The following AK3 variants were observed in gnomAD, a reference collection of about 807,000 sequenced individuals.
The protein encoded by AK3 is GTP:AMP phosphotransferase AK3, mitochondrial.
AK3 carries 27 observed loss-of-function variants against 23.7 expected under a neutral mutation model. That is an observed-to-expected ratio of 1.14 (90% CI 0.84 to 1.57). AK3 has a LOEUF of 1.57. AK3 is among the 40% of genes most tolerant of loss of function. The pLI is 0.00. For synonymous variants in AK3, 159 were observed against 116.0 expected (o/e 1.37, Z -2.38); for missense variants, 406 against 285.6 (o/e 1.42, Z -3.04).
At chr9:4,733,345 T>G (rs1406496539) in intron 1 of AK3, among the ~76,000 whole-genome samples, 1 of 150,862 alleles carries the variant, frequency 6.6e-6, no homozygotes, top group African/African-American at 2.4e-5. Context: ...AAAAAAAACC[T>G]TTCTCAAATA....
intron 1 of AK3, among the ~76,000 whole-genome samples, chr9:4,735,454 C>CATATATAAATATATAT (rs1563798615): frequency 5.1e-5 from 2 of 39,156 alleles, no homozygotes; most frequent in African/African-American, 8.6e-5. Flanking sequence ...TAAATATATA[C>CATATATAAATATATAT]ATAGTATATG....
In AK3 at chr9:4,710,014, G is replaced by C. The variant is rs1402783604; in HGVS notation, c.*2962C>G. The C allele has an allele frequency of 1.3e-5, 2 of 152,098 alleles. No homozygotes were observed. Among genetic ancestry groups the C allele is most frequent in the Admixed American group, 1.3e-4 (2 of 15,276 alleles). The allele number at this position is 152,098 out of a possible 1,614,324, so 9.4% of individuals were successfully genotyped here. On this transcript the variant is annotated 3_prime_UTR_variant, in exon 5 of 5. Transcript: ENST00000381809. ...TCTTGCTAGAATGCCATTATATATAGCTGGGGGAAAAGTAGCCATAGGGTG... is the reference window on the plus strand; with the variant it reads ...TCTTGCTAGAATGCCATTATATATACCTGGGGGAAAAGTAGCCATAGGGTG...
rs767519584 is a variant in AK3, at chr9:4,740,918, CT to C, written c.151+18del. 4 of 1,536,046 alleles carry C rather than the reference CT, an allele frequency of 2.6e-6. No homozygotes were observed. Among genetic ancestry groups the C allele is most frequent in the Non-Finnish European group, 8.8e-7 (1 of 1,141,310 alleles). On this transcript the variant is annotated intron_variant, in intron 1 of 4. Coordinates refer to ENST00000381809, the MANE Select transcript of AK3 (RefSeq NM_016282.4). The stretch of plus-strand genomic sequence containing the variant: ...CCCGGGTGACAGCGCACGGCCGGCC[CT>C]GGGCCCAGAGCTCCCACCTGTGCCC...
chr9:4,717,549 G>A (rs1841769760), intron 4 of AK3, among the ~76,000 whole-genome samples: 1 of 152,140 alleles, frequency 6.6e-6, no homozygotes. Context: ...TTCCAGCCCT[G>A]CCTCCCCTAC....
chr9:4,729,138 G>A (rs890876247), intron 1 of AK3, among the ~76,000 whole-genome samples: 1 of 151,298 alleles, frequency 6.6e-6, no homozygotes, highest in South Asian at 2.1e-4. Context: ...CACCTCCTGA[G>A]TAGCTGGGAT....
At chr9:4,725,268 C>T (rs899143337) in intron 1 of AK3, among the ~76,000 whole-genome samples, 31 of 151,784 alleles carry the variant, frequency 2.0e-4, no homozygotes, top group African/African-American at 7.0e-4. Flanking sequence ...CTGCCCGCCT[C>T]GGCCTCCCAA....
chr9:4,733,434 C>G (rs1842200218), intron 1 of AK3, among the ~76,000 whole-genome samples: 1 of 152,176 alleles, frequency 6.6e-6, no homozygotes, highest in African/African-American at 2.4e-5. Context: ...GGGAGGGCCC[C>G]CAAAGTCCTT....
chr9:4,717,296 G>C (rs1841762529), intron 4 of AK3, among the ~76,000 whole-genome samples: 1 of 152,174 alleles, frequency 6.6e-6, no homozygotes, highest in Non-Finnish European at 1.5e-5. Flanking sequence ...TAAGAAGCAG[G>C]AAGGCTCAGT....
chr9:4,719,831 T>C (rs382034), intron 2 of AK3, among the ~76,000 whole-genome samples: 36,522 of 152,056 alleles, frequency 0.24, 5,258 homozygotes, highest in African/African-American at 0.41. Context: ...TTTGGGAGGC[T>C]GAGGAGGGCG....
At chr9:4,724,078 C>T (rs933836403) in intron 1 of AK3, among the ~76,000 whole-genome samples, 4 of 152,142 alleles carry the variant, frequency 2.6e-5, no homozygotes, top group East Asian at 1.9e-4. Context: ...TGCATGGACA[C>T]GGGCTGTCAT....
chr9:4,718,983 T>C lies in AK3; in HGVS notation c.444+152A>G, dbSNP rs73641818. The C allele has an allele frequency of 1.4e-3, 1,212 of 840,188 alleles. 7 individuals carry two copies. The African/African-American group carries it at 0.018, about 13-fold the overall frequency. The allele number at this position is 840,188 out of a possible 1,614,324, so 52.0% of individuals were successfully genotyped here. On this transcript the variant is annotated intron_variant, in intron 3 of 4. Transcript: ENST00000381809. ...GGGCAACCTTTCGCACCAAGCTCAG[T>C]GGACTTGATCAGTCAACTCTACCAA...
chr9:4,741,878 C>CCTT, upstream of AK3: 1 of 152,796 alleles, frequency 6.5e-6, no homozygotes, highest in East Asian at 1.9e-4. Context: ...GCCCTTCCCT[C>CCTT]CTTCCTCCTC....
chr9:4,729,143 T>A (rs1842096001), intron 1 of AK3, among the ~76,000 whole-genome samples: 2 of 151,574 alleles, frequency 1.3e-5, no homozygotes, highest in African/African-American at 4.9e-5. Context: ...CCTGAGTAGC[T>A]GGGATTACAG....
intron 3 of AK3, 56 bp downstream of exon 3, chr9:4,719,079 G>A (rs1841818436): frequency 8.2e-6 from 13 of 1,591,362 alleles, no homozygotes; most frequent in African/African-American, 1.3e-5. Context: ...ATGTCTGTTA[G>A]GGCAAGAGGA....
intron 1 of AK3, among the ~76,000 whole-genome samples, chr9:4,729,927 T>C (rs1466870778): frequency 6.6e-6 from 1 of 151,582 alleles, no homozygotes; most frequent in African/African-American, 2.4e-5. Context: ...TAGAAACAAG[T>C]CAAATGTCCA....
chr9:4,715,689 C>T (rs1841707949), intron 4 of AK3, among the ~76,000 whole-genome samples: 1 of 152,080 alleles, frequency 6.6e-6, no homozygotes, highest in African/African-American at 2.4e-5. Context: ...GAGCCACTGT[C>T]CCAGGCCCCT....
chr9:4,722,003 CCT>C (rs1841910495), intron 2 of AK3, among the ~76,000 whole-genome samples: 1 of 152,110 alleles, frequency 6.6e-6, no homozygotes, highest in Non-Finnish European at 1.5e-5. Flanking sequence ...GATTAGCTAT[CCT>C]CTTCCAAAAA....
chr9:4,729,170 C>A (rs999270079), intron 1 of AK3, among the ~76,000 whole-genome samples: 3 of 151,758 alleles, frequency 2.0e-5, no homozygotes, highest in Non-Finnish European at 4.4e-5. Context: ...GCCACCACAG[C>A]CAGCTAATTC....
At chr9:4,730,437 G>C (rs1030044626) in intron 1 of AK3, among the ~76,000 whole-genome samples, 2 of 152,088 alleles carry the variant, frequency 1.3e-5, no homozygotes, top group African/African-American at 2.4e-5. Flanking sequence ...TCACTACTCA[G>C]AGATAATTAT....
Sources: gnomAD v4.1 joint callset for allele counts (sites outside exome capture counted in the v4.1 genomes callset) on GRCh38, gnomAD v4.1.1 for gene constraint, MANE v1.5 for transcripts, NCBI Gene and HGNC (gene_info 2026-07-23, HGNC 2026-07-21) for gene names.